RPS6KA2: variants seen among roughly 807,000 people sequenced by gnomAD.
RPS6KA2 encodes the protein ribosomal protein S6 kinase A2, also known as ribosomal protein S6 kinase alpha-2.
RPS6KA2 carries 42 observed loss-of-function variants against 91.8 expected under a neutral mutation model. The observed-to-expected ratio is 0.46, with a 90% CI of 0.36 to 0.59. The LOEUF is 0.59. Among genes scored for constraint, RPS6KA2 ranks in the 20% least tolerant of loss-of-function variants. The pLI, the probability that RPS6KA2 is intolerant of heterozygous loss-of-function variation, is 0.00. For missense variants in RPS6KA2, 798 were observed against 978.5 expected, an observed-to-expected ratio of 0.82 and a Z score of 2.46; for synonymous variants, 414 against 393.6, an observed-to-expected ratio of 1.05 and a Z score of -0.61.
intron 2 of RPS6KA2, among the ~76,000 whole-genome samples, chr6:166,800,533 T>A (rs1779341476): frequency 6.6e-6 from 1 of 152,194 alleles, no homozygotes; most frequent in Non-Finnish European, 1.5e-5. Context: ...TTCCACCTCC[T>A]GTCATGTGAG....
At chr6:166,709,929 G>A (rs1789794626) in intron 2 of RPS6KA2, among the ~76,000 whole-genome samples, 1 of 152,176 alleles carries the variant, frequency 6.6e-6, no homozygotes, top group Admixed American at 6.5e-5. Context: ...TTTTCTAAAT[G>A]GAAGCACATC....
intron 2 of RPS6KA2, among the ~76,000 whole-genome samples, chr6:166,781,369 C>A (rs1307860343): frequency 6.6e-6 from 1 of 152,218 alleles, no homozygotes; most frequent in Admixed American, 6.5e-5. Flanking sequence ...CCTCACACCC[C>A]CTGGCGTGCT....
chr6:166,470,754 G>A (rs921356874), intron 10 of RPS6KA2, among the ~76,000 whole-genome samples: 36 of 152,206 alleles, frequency 2.4e-4, no homozygotes, highest in African/African-American at 7.2e-4. Flanking sequence ...ACTACTGTTC[G>A]GGAAAGCGGT....
intron 10 of RPS6KA2, among the ~76,000 whole-genome samples, chr6:166,480,541 G>C (rs1216604201): frequency 7.7e-6 from 1 of 130,574 alleles, no homozygotes; most frequent in Non-Finnish European, 1.6e-5. Context: ...TTGAGAGAGA[G>C]TTTTGCTCTG....
chr6:166,491,790 T>A (rs57048126), intron 8 of RPS6KA2, among the ~76,000 whole-genome samples: 3,444 of 152,302 alleles, frequency 0.023, 124 homozygotes, highest in African/African-American at 0.078. Flanking sequence ...ATATCCAAAC[T>A]TAACATTTGT....
At chr6:166,768,797 G>A (rs547036235) in intron 2 of RPS6KA2, among the ~76,000 whole-genome samples, 21 of 152,186 alleles carry the variant, frequency 1.4e-4, no homozygotes, top group South Asian at 1.0e-3. Context: ...CGGGGTTCCC[G>A]CCTATCAAAT....
chr6:166,467,672 G>C (rs1780594887), intron 11 of RPS6KA2, among the ~76,000 whole-genome samples: 1 of 152,226 alleles, frequency 6.6e-6, no homozygotes, highest in Non-Finnish European at 1.5e-5. Flanking sequence ...GAGGATGGGA[G>C]GGGTGAGGTG....
At chr6:166,701,825 G>T in intron 2 of RPS6KA2, 1 of 901,916 alleles carries the variant, frequency 1.1e-6, no homozygotes, top group Admixed American at 1.9e-5. Flanking sequence ...TTTGGCACAT[G>T]TCTCAACATT....
Position 166,726,947 on chromosome 6 carries a change from T to C in RPS6KA2, c.123+131253A>G, listed in dbSNP as rs1790356091. Among the ~76,000 whole-genome samples, 1 of 152,126 alleles carries C rather than the reference T, an allele frequency of 6.6e-6. No individual in the cohort carries two copies. The highest frequency in any genetic ancestry group is 2.4e-5 in the African/African-American group (1 of 41,404). ...CCAAACCTGATTTCCGTGAAGAATT[T>C]CCCACTTGCACTCATGAAGACATGG... On this transcript the variant is annotated intron_variant, in intron 2 of 21. Transcript: ENST00000503859. This position sits in a 1 kb window ranked among gnomAD's most constrained non-coding sequence, Gnocchi z 4.4.
At chr6:166,787,743 C>T (rs1367488229) in intron 2 of RPS6KA2, among the ~76,000 whole-genome samples, 1 of 152,048 alleles carries the variant, frequency 6.6e-6, no homozygotes, top group Non-Finnish European at 1.5e-5. Flanking sequence ...CTAGGCAACA[C>T]CATTCAGGAC....
exon 1 of RPS6KA2, chr6:166,862,397 T>G: frequency 7.2e-7 from 1 of 1,381,662 alleles, no homozygotes. Context: ...ATATGGCTGC[T>G]CGGGCGCCGT....
chr6:166,757,502 C>G (rs1004931212), intron 2 of RPS6KA2: 1 of 456,002 alleles, frequency 2.2e-6, no homozygotes, highest in Non-Finnish European at 4.4e-6. Context: ...CCTGGGACCC[C>G]CATTTCCTGC....
intron 2 of RPS6KA2, among the ~76,000 whole-genome samples, chr6:166,756,922 T>G (rs1462002938): frequency 6.6e-6 from 1 of 152,142 alleles, no homozygotes; most frequent in Non-Finnish European, 1.5e-5. Context: ...GAGGAGTGTT[T>G]AATGGGAACA....
intron 2 of RPS6KA2, among the ~76,000 whole-genome samples, chr6:166,646,642 G>A (rs1163894827): frequency 6.6e-6 from 1 of 152,230 alleles, no homozygotes; most frequent in Non-Finnish European, 1.5e-5. Context: ...CCACGGTGCA[G>A]CTCTCAGGGA....
At chr6:166,593,495 AG>A (rs1339719902) in intron 1 of RPS6KA2, among the ~76,000 whole-genome samples, 1 of 152,234 alleles carries the variant, frequency 6.6e-6, no homozygotes, top group African/African-American at 2.4e-5. Flanking sequence ...AGCACAGTAC[AG>A]GCAACCAGGT....
At chr6:166,755,274 C>T (rs552081659) in intron 2 of RPS6KA2, among the ~76,000 whole-genome samples, 22 of 152,110 alleles carry the variant, frequency 1.4e-4, no homozygotes, top group Admixed American at 4.6e-4. Flanking sequence ...CTCTGCTTTC[C>T]GTTTTAGCCT....
chr6:166,475,655 A>G (rs1283978132), intron 10 of RPS6KA2: 1 of 385,158 alleles, frequency 2.6e-6, no homozygotes, highest in East Asian at 6.7e-5. Flanking sequence ...AGCACCTGCT[A>G]CGGGCATTCA....
intron 2 of RPS6KA2, among the ~76,000 whole-genome samples, chr6:166,532,140 G>C (rs1783301249): frequency 6.6e-6 from 1 of 152,236 alleles, no homozygotes; most frequent in African/African-American, 2.4e-5. Flanking sequence ...AGGTAGGGTG[G>C]CTCCTTCCCA....
Position 166,778,472 on chromosome 6 carries a change from A to C in RPS6KA2, c.123+79728T>G, listed in dbSNP as rs192441537. ...TCAGAACGCCATACATTGTTTTACA[A>C]ATTGTTTTTTAGGCTGGGCATGGTG... On this transcript the variant is annotated intron_variant, in intron 2 of 21. Transcript: ENST00000503859. 6.7e-3 allele frequency among the ~76,000 whole-genome samples: 1,016 copies of C among 152,302 alleles called. 19 individuals are homozygous for C. The highest frequency in any genetic ancestry group is 6.9e-3 in the Non-Finnish European group (471 of 68,022).
Sources: allele counts gnomAD v4.1 joint callset (sites outside exome capture counted in the v4.1 genomes callset), GRCh38; gene constraint gnomAD v4.1.1; non-coding constraint Gnocchi (gnomAD v3.1); transcripts MANE v1.5; gene names NCBI Gene and HGNC (gene_info 2026-07-23, HGNC 2026-07-21).